KIAA0319L: variants seen among roughly 807,000 people sequenced by gnomAD.
The protein encoded by KIAA0319L is KIAA0319 like.
Under a neutral mutation model 120.1 loss-of-function variants are expected in KIAA0319L, and 55 were observed. That is an observed-to-expected ratio of 0.46 (90% confidence interval 0.37 to 0.57). The LOEUF (loss-of-function observed/expected upper bound fraction) is 0.57, where lower values mean the gene tolerates loss of function less well. KIAA0319L is among the 20% of genes least tolerant of loss of function. The pLI is 0.00. For missense variants in KIAA0319L, 1,049 were observed against 1,255.3 expected (o/e 0.84, Z 2.48); for synonymous variants, 398 against 471.9 (o/e 0.84, Z 2.03).
At chr1:35,546,317 G>A (rs561278183) in intron 2 of KIAA0319L, among the ~76,000 whole-genome samples, 2 of 152,312 alleles carry the variant, frequency 1.3e-5, no homozygotes, top group Non-Finnish European at 2.9e-5. Context: ...GGCAAGTGAG[G>A]AAACGGTCTC....
At position 35,434,816 on chromosome 1, in the gene KIAA0319L, G is replaced by A. The variant is rs150532754; in HGVS notation, c.*78C>T. The A allele has an allele frequency of 1.7e-3, 2,245 of 1,294,340 alleles. 38 individuals are homozygous for A. In the African/African-American group the frequency reaches 0.03, roughly 17 times the overall value. The allele number at this position is 1,294,340 out of a possible 1,614,324, so 80.2% of individuals were successfully genotyped here. A position where few individuals can be genotyped will look rare whatever the true frequency, so the allele number is the denominator to read the frequency against. On this transcript the variant is annotated 3_prime_UTR_variant, in exon 21 of 21. Coordinates refer to ENST00000325722, the MANE Select transcript of KIAA0319L (RefSeq NM_024874.5). ...ATGACCAGCAGATGCTGGGACAGCA[G>A]CTGCCCGCAGACTCGGGAGGTAGGA...
rs777852183 is a variant in KIAA0319L, at chr1:35,453,713, C to A, written c.1781-24G>T. 4.4e-6 allele frequency: 7 copies of A among 1,605,110 alleles called. No individual in the cohort carries two copies. The African/African-American group carries it at 9.4e-5, about 22-fold the overall frequency. ...TTCTGGAAGACAAAGAGTTAGAGGT[C>A]AAAAGCAGCCAGTCCAGGTGGGAAA... On this transcript the variant is annotated intron_variant, in intron 11 of 20. Transcript: ENST00000325722. This position sits in a 1 kb window ranked among gnomAD's most constrained non-coding sequence, Gnocchi z 4.1.
chr1:35,448,237 C>T lies in KIAA0319L; in HGVS notation c.2449G>A (p.Val817Ile), dbSNP rs769309121. ...TCGGAATCCAGCACCCCCAGGAGGACCCCAATCTGGCGGATGAACATCCCC... is the reference window on the plus strand; with the variant it reads ...TCGGAATCCAGCACCCCCAGGAGGATCCCAATCTGGCGGATGAACATCCCC... ...LKGMFIRQIGVLLGVLDSDII... is the reference protein window; with the variant it reads ...LKGMFIRQIGILLGVLDSDII... The change falls in exon 16 of 21, where the codon GTC (valine) becomes ATC (isoleucine). Residue 817 changes from valine to isoleucine, a missense_variant. Transcript: ENST00000325722. 7 of 1,614,002 alleles carry T rather than the reference C, an allele frequency of 4.3e-6. No individual in the cohort carries two copies. In the African/African-American group the frequency reaches 5.3e-5, roughly 12 times the overall value.
rs1057500391 is a variant in KIAA0319L, at chr1:35,506,197, A to G, written c.666+415T>C. ...CCAAGCATGGTTAATTCTGACTGGA[A>G]TAGAAACTACCTCATAAAGAATGTG... On this transcript the variant is annotated intron_variant, in intron 3 of 20. Coordinates refer to ENST00000325722, the MANE Select transcript of KIAA0319L (RefSeq NM_024874.5). The surrounding 1 kb of genome is among the most constrained non-coding windows in gnomAD (Gnocchi z 4.0). Among the ~76,000 whole-genome samples, 11 of 152,220 alleles carry G rather than the reference A, an allele frequency of 7.2e-5. No individual in the cohort carries two copies. The highest frequency in any genetic ancestry group is 1.3e-4 in the Admixed American group (2 of 15,288).
chr1:35,501,720 T>C (rs1049849994), intron 3 of KIAA0319L, among the ~76,000 whole-genome samples: 2 of 151,540 alleles, frequency 1.3e-5, no homozygotes, highest in Non-Finnish European at 2.9e-5. Flanking sequence ...CTACTAAAAA[T>C]ACAAAAAATT....
Position 35,519,928 on chromosome 1 carries a change from G to C in KIAA0319L, c.143-12793C>G, listed in dbSNP as rs115790907. On this transcript the variant is annotated intron_variant, in intron 2 of 20. Coordinates refer to ENST00000325722, the MANE Select transcript of KIAA0319L (RefSeq NM_024874.5). ...ATCTGGGAAAATGGCAGTCATGGAT[G>C]AATCTGTTCTGAGAGCTGGGAAAAA... Among the ~76,000 whole-genome samples the C allele has an allele frequency of 7.6e-3, 1,156 of 152,216 alleles. 22 individuals are homozygous for C. The highest frequency in any genetic ancestry group is 0.026 in the African/African-American group (1,082 of 41,528).
chr1:35,448,310 C>T lies in KIAA0319L; in HGVS notation c.2376G>A (p.Val792=). The T allele has an allele frequency of 3.1e-6, 5 of 1,614,046 alleles. No individual in the cohort carries two copies. Among genetic ancestry groups the T allele is most frequent in the Non-Finnish European group, 3.4e-6 (4 of 1,179,958 alleles). ...VKPDPRKNNL[V]EIILDINVSQ... Reference sequence around the variant, plus strand: ...TGACGTTGATATCCAAGATGATCTCCACCAGGTTGTTTTTCCTGGGATCTG... The same window carrying T: ...TGACGTTGATATCCAAGATGATCTCTACCAGGTTGTTTTTCCTGGGATCTG... Residue 792 remains valine, a synonymous_variant, in exon 16 of 21, where the codon GTG becomes GTA. Transcript: ENST00000325722.
At chr1:35,498,940 C>T (rs1297012211) in intron 3 of KIAA0319L, among the ~76,000 whole-genome samples, 1 of 152,186 alleles carries the variant, frequency 6.6e-6, no homozygotes, top group Non-Finnish European at 1.5e-5. Context: ...TGGCATTAGT[C>T]GGGTCTTCTT....
chr1:35,534,327 T>C (rs1646486107), intron 2 of KIAA0319L, among the ~76,000 whole-genome samples: 1 of 152,206 alleles, frequency 6.6e-6, no homozygotes, highest in African/African-American at 2.4e-5. Context: ...CTAAAGATCA[T>C]TCTGAACAAA....
chr1:35,554,607 TA>T (rs2148523923), intron 1 of KIAA0319L, 88 bp from the exon 2 acceptor site: 1 of 965,636 alleles, frequency 1.0e-6, no homozygotes, highest in Non-Finnish European at 1.5e-6. Context: ...TATGACAGAT[TA>T]GGGGAAAGAA....
intron 7 of KIAA0319L, among the ~76,000 whole-genome samples, chr1:35,465,840 T>C (rs1643222331): frequency 6.6e-6 from 1 of 151,478 alleles, no homozygotes. Flanking sequence ...TGAATGAGAT[T>C]TGATGGTTTT....
At chr1:35,483,594 T>C (rs1311715307) in intron 3 of KIAA0319L, among the ~76,000 whole-genome samples, 1 of 152,232 alleles carries the variant, frequency 6.6e-6, no homozygotes, top group African/African-American at 2.4e-5. Flanking sequence ...TCTAGTTTTA[T>C]ACCAATACCA....
At chr1:35,499,521 T>C (rs1404355094) in intron 3 of KIAA0319L, among the ~76,000 whole-genome samples, 1 of 152,210 alleles carries the variant, frequency 6.6e-6, no homozygotes, top group East Asian at 1.9e-4. Flanking sequence ...AATAAATTTC[T>C]GTTGTTTATA....
chr1:35,537,600 T>C (rs915342379), intron 2 of KIAA0319L, among the ~76,000 whole-genome samples: 4 of 144,232 alleles, frequency 2.8e-5, no homozygotes, highest in Non-Finnish European at 4.5e-5. Context: ...TTTTGGAGCA[T>C]TATGTAAGCG....
intron 3 of KIAA0319L, among the ~76,000 whole-genome samples, chr1:35,502,276 G>GAA (rs1213650955): frequency 2.3e-5 from 2 of 86,872 alleles, no homozygotes; most frequent in Non-Finnish European, 2.4e-5. Flanking sequence ...TCTGTCTCAA[G>GAA]AAAAAAAAAA....
intron 9 of KIAA0319L, among the ~76,000 whole-genome samples, chr1:35,457,937 TG>T (rs1642602162): frequency 6.6e-6 from 1 of 152,178 alleles, no homozygotes; most frequent in Non-Finnish European, 1.5e-5. Context: ...TGGGTTTTTT[TG>T]TTTTGTTTTT....
intron 2 of KIAA0319L, among the ~76,000 whole-genome samples, chr1:35,526,300 T>C (rs1031292103): frequency 5.4e-5 from 8 of 147,662 alleles, no homozygotes; most frequent in African/African-American, 2.0e-4. Flanking sequence ...CACATATATA[T>C]GTACATATAT....
At chr1:35,489,346 G>C (rs569569644) in intron 3 of KIAA0319L, among the ~76,000 whole-genome samples, 9 of 152,222 alleles carry the variant, frequency 5.9e-5, no homozygotes, top group Non-Finnish European at 1.2e-4. Flanking sequence ...CAAGACACCA[G>C]ACATCAGGTG....
At chr1:35,547,394 T>C (rs908092161) in intron 2 of KIAA0319L, among the ~76,000 whole-genome samples, 1 of 151,344 alleles carries the variant, frequency 6.6e-6, no homozygotes, top group Non-Finnish European at 1.5e-5. Flanking sequence ...TATACAGATA[T>C]CCAAGAAAAT....
Sources: gnomAD v4.1 joint callset for allele counts (sites outside exome capture counted in the v4.1 genomes callset) on GRCh38, gnomAD v4.1.1 for gene constraint, Gnocchi (gnomAD v3.1) non-coding constraint, MANE v1.5 for transcripts, NCBI Gene and HGNC (gene_info 2026-07-23, HGNC 2026-07-21) for gene names.